Variants in NRG2 observed in about 807,000 individuals in gnomAD.
The protein encoded by NRG2 is pro-neuregulin-2, membrane-bound isoform.
In NRG2, 27 loss-of-function variants were observed where a neutral mutation model predicts 73.9. The ratio of observed to expected loss-of-function variants is 0.37; its 90% CI spans 0.27 to 0.50. The LOEUF (loss-of-function observed/expected upper bound fraction) is 0.50, where lower values mean the gene tolerates loss of function less well. NRG2 is among the 20% of genes least tolerant of loss of function. The pLI is 0.96. For synonymous variants in NRG2, 532 were observed against 541.0 expected (o/e 0.98, Z 0.23); for missense variants, 1,126 against 1,210.1 (o/e 0.93, Z 1.03).
At chr5:139,898,525 TC>T (rs888015484) in intron 1 of NRG2, among the ~76,000 whole-genome samples, 17 of 152,278 alleles carry the variant, frequency 1.1e-4, no homozygotes, top group African/African-American at 4.1e-4. Flanking sequence ...GTTTGCCAGG[TC>T]CAAACCCCCA....
At chr5:139,985,659 T>C (rs565921549) in intron 1 of NRG2, among the ~76,000 whole-genome samples, 81 of 152,330 alleles carry the variant, frequency 5.3e-4, no homozygotes, top group Non-Finnish European at 1.0e-3. Flanking sequence ...CAAAGAGGTT[T>C]ACGGACCTTT....
At chr5:139,929,960 C>T (rs1752342847) in intron 1 of NRG2, among the ~76,000 whole-genome samples, 1 of 152,224 alleles carries the variant, frequency 6.6e-6, no homozygotes, top group African/African-American at 2.4e-5. Context: ...AGTCACACCT[C>T]ATTTGTCTGA....
At chr5:139,849,275 C>G (rs1031464188) in intron 9 of NRG2, among the ~76,000 whole-genome samples, 1 of 152,176 alleles carries the variant, frequency 6.6e-6, no homozygotes, top group African/African-American at 2.4e-5. Context: ...ACTCATACTG[C>G]CCAATTCCAG....
Position 139,894,643 on chromosome 5 carries a change from T to C in NRG2, c.701-7132A>G, listed in dbSNP as rs111509668. On this transcript the variant is annotated intron_variant, in intron 1 of 9. Transcript: ENST00000361474. The surrounding 1 kb of genome is among the most constrained non-coding windows in gnomAD (Gnocchi z 5.0). The stretch of plus-strand genomic sequence containing the variant: ...CCTGAGCCACATTTCCTCAGTCACC[T>C]AAGCCCAGCCCAATGCCTGGGCTTG... Among the ~76,000 whole-genome samples the C allele has an allele frequency of 6.6e-6, 1 of 152,144 alleles. No homozygotes were observed. The highest frequency in any genetic ancestry group is 2.4e-5 in the African/African-American group (1 of 41,438).
chr5:139,950,017 GA>G (rs1201635156), intron 1 of NRG2, among the ~76,000 whole-genome samples: 1 of 152,200 alleles, frequency 6.6e-6, no homozygotes, highest in Non-Finnish European at 1.5e-5. Flanking sequence ...AGACACAAGG[GA>G]AAATTTGTTA....
chr5:139,929,143 G>T (rs1269746822), intron 1 of NRG2, among the ~76,000 whole-genome samples: 1 of 152,020 alleles, frequency 6.6e-6, no homozygotes, highest in African/African-American at 2.4e-5. Flanking sequence ...CAGCCCCATG[G>T]CCTGCCACTC....
chr5:140,025,119 C>A (rs1202738712), intron 1 of NRG2, among the ~76,000 whole-genome samples: 1 of 152,216 alleles, frequency 6.6e-6, no homozygotes, highest in Non-Finnish European at 1.5e-5. Flanking sequence ...AAACCCCTGA[C>A]AAGGCCTGAT....
chr5:139,958,723 G>A (rs1490276559), intron 1 of NRG2, among the ~76,000 whole-genome samples: 2 of 152,086 alleles, frequency 1.3e-5, no homozygotes, highest in Non-Finnish European at 2.9e-5. Context: ...AGAAATGGCC[G>A]GCGACCTTGC....
At chr5:139,941,827 G>A (rs560303447) in intron 1 of NRG2, among the ~76,000 whole-genome samples, 13 of 152,292 alleles carry the variant, frequency 8.5e-5, no homozygotes, top group African/African-American at 2.4e-4. Flanking sequence ...TGTGTGGAAC[G>A]GAGAGCTTGC....
chr5:139,985,204 G>A (rs576605427), intron 1 of NRG2, among the ~76,000 whole-genome samples: 92 of 152,054 alleles, frequency 6.1e-4, no homozygotes, highest in Admixed American at 2.8e-3. Flanking sequence ...GCCAGGTGTG[G>A]TGGCACACAC....
At chr5:139,949,074 T>C (rs1412051354) in intron 1 of NRG2, among the ~76,000 whole-genome samples, 1 of 152,062 alleles carries the variant, frequency 6.6e-6, no homozygotes, top group Non-Finnish European at 1.5e-5. Context: ...GTGTAGACAC[T>C]TCAGTGAGGA....
intron 1 of NRG2, among the ~76,000 whole-genome samples, chr5:139,914,900 G>A (rs573172432): frequency 6.6e-6 from 1 of 152,172 alleles, no homozygotes; most frequent in South Asian, 2.1e-4. Context: ...TTAGGTGGGG[G>A]CCATTGTAGG....
intron 1 of NRG2, among the ~76,000 whole-genome samples, chr5:139,901,950 C>A (rs1205376585): frequency 6.6e-6 from 1 of 152,224 alleles, no homozygotes; most frequent in Non-Finnish European, 1.5e-5. Flanking sequence ...TAGGGGTTCT[C>A]AGAGATGCTG....
chr5:139,974,039 T>A, intron 1 of NRG2, among the ~76,000 whole-genome samples: 1 of 152,146 alleles, frequency 6.6e-6, no homozygotes, highest in East Asian at 1.9e-4. Context: ...AATTCAATAG[T>A]TCTTGTGTAA....
intron 1 of NRG2, among the ~76,000 whole-genome samples, chr5:139,890,473 CTTTTTTTT>C (rs11288649): frequency 9.4e-6 from 1 of 106,030 alleles, no homozygotes; most frequent in South Asian, 3.1e-4. Context: ...TTCTTTCTTT[CTTTTTTTT>C]TTTTTTTTTG....
At chr5:139,932,320 T>A (rs577790039) in intron 1 of NRG2, among the ~76,000 whole-genome samples, 1 of 151,502 alleles carries the variant, frequency 6.6e-6, no homozygotes, top group Admixed American at 6.6e-5. Context: ...TGCCACATCA[T>A]GATGGACCAG....
At chr5:139,867,794 G>GTA (rs1230992469) in intron 4 of NRG2, among the ~76,000 whole-genome samples, 7 of 124,780 alleles carry the variant, frequency 5.6e-5, no homozygotes, top group African/African-American at 2.9e-4. Context: ...GTGTGTGTGT[G>GTA]TGTATGAGTG....
chr5:139,959,312 G>T (rs1754887021), intron 1 of NRG2, among the ~76,000 whole-genome samples: 1 of 152,206 alleles, frequency 6.6e-6, no homozygotes, highest in Non-Finnish European at 1.5e-5. Flanking sequence ...CGATTCTCCT[G>T]CCTCAGCCTC....
intron 1 of NRG2, among the ~76,000 whole-genome samples, chr5:139,938,740 T>C (rs1259868689): frequency 6.6e-6 from 1 of 151,332 alleles, no homozygotes; most frequent in Admixed American, 6.6e-5. Context: ...CCCACACAAA[T>C]TGATTGTTGA....
Sources: allele counts gnomAD v4.1 joint callset (sites outside exome capture counted in the v4.1 genomes callset), GRCh38; gene constraint gnomAD v4.1.1; non-coding constraint Gnocchi (gnomAD v3.1); transcripts MANE v1.5; gene names NCBI Gene and HGNC (gene_info 2026-07-23, HGNC 2026-07-21).